INPP5A: variants seen among roughly 807,000 people sequenced by gnomAD.
The protein encoded by INPP5A is inositol polyphosphate-5-phosphatase A.
In INPP5A, 14 loss-of-function variants were observed where a neutral mutation model predicts 65.2. That is an observed-to-expected ratio of 0.21 (90% confidence interval 0.14 to 0.34). INPP5A has a LOEUF of 0.34. Ranked by LOEUF, INPP5A falls within the 10% of genes least tolerant of loss-of-function variation. INPP5A has a pLI of 1.00. For missense variants in INPP5A, 431 were observed against 545.6 expected (o/e 0.79, Z 2.09); for synonymous variants, 207 against 208.3 (o/e 0.99, Z 0.05).
intron 13 of INPP5A, among the ~76,000 whole-genome samples, chr10:132,780,370 G>A (rs923889458): frequency 6.6e-6 from 1 of 152,250 alleles, no homozygotes; most frequent in African/African-American, 2.4e-5. Flanking sequence ...TGAACACTGA[G>A]TTCTAGGTTA....
intron 10 of INPP5A, 55 bp downstream of exon 10, chr10:132,749,667 C>T: frequency 1.3e-6 from 2 of 1,594,332 alleles, no homozygotes; most frequent in South Asian, 2.2e-5. Context: ...CAGGACTCTG[C>T]AGCTTCCTTC....
intron 2 of INPP5A, among the ~76,000 whole-genome samples, chr10:132,636,290 G>A (rs992203112): frequency 6.6e-6 from 1 of 152,022 alleles, no homozygotes; most frequent in Admixed American, 6.5e-5. Flanking sequence ...TACTTCTTCC[G>A]TGAAACAGCT....
At chr10:132,554,571 C>T (rs117099174) in intron 1 of INPP5A, among the ~76,000 whole-genome samples, 2,301 of 151,438 alleles carry the variant, frequency 0.015, 32 homozygotes, top group South Asian at 0.039. Context: ...TTGTGGTTGG[C>T]GTGGTTGGTG....
chr10:132,700,391 G>A (rs1168671429), intron 6 of INPP5A, among the ~76,000 whole-genome samples: 3 of 152,218 alleles, frequency 2.0e-5, no homozygotes, highest in African/African-American at 4.8e-5. Flanking sequence ...GCCCTGCCAC[G>A]TCATCGTCTT....
Position 132,765,891 on chromosome 10 carries a change from G to C in INPP5A, c.977+45G>C, listed in dbSNP as rs758058060. 2.0e-5 allele frequency: 23 copies of C among 1,156,022 alleles called. No homozygotes were observed. The East Asian group carries it at 5.4e-4, about 27-fold the overall frequency. 71.6% of individuals were successfully genotyped at this position (1,156,022 alleles called of 1,614,324 possible). On this transcript the variant is annotated intron_variant, in intron 12 of 15. Transcript: ENST00000368594. ...CTGGATGAACCCGGCCGGGAAGGTGGCGTCTCCACCCTCCCAGTCTCTGGT... is the reference window on the plus strand; with the variant it reads ...CTGGATGAACCCGGCCGGGAAGGTGCCGTCTCCACCCTCCCAGTCTCTGGT...
chr10:132,653,332 C>T (rs1453243994), intron 4 of INPP5A, among the ~76,000 whole-genome samples: 1 of 152,218 alleles, frequency 6.6e-6, no homozygotes, highest in Non-Finnish European at 1.5e-5. Flanking sequence ...CGGCTGCCTC[C>T]ACACCTGGCT....
intron 12 of INPP5A, among the ~76,000 whole-genome samples, chr10:132,767,108 C>T (rs1846861286): frequency 4.3e-5 from 5 of 114,954 alleles, no homozygotes; most frequent in African/African-American, 1.1e-4. Flanking sequence ...AGGATGCGGC[C>T]TCGGAGCTTG....
At chr10:132,567,119 A>C (rs1282532311) in intron 1 of INPP5A, among the ~76,000 whole-genome samples, 1 of 152,186 alleles carries the variant, frequency 6.6e-6, no homozygotes, top group Non-Finnish European at 1.5e-5. Flanking sequence ...GTGGGCAAGC[A>C]GCTCAGTGAT....
chr10:132,762,192 A>G lies in INPP5A; in HGVS notation c.904-3581A>G, dbSNP rs974893482. Among the ~76,000 whole-genome samples, 2 of 152,208 alleles carry G rather than the reference A, an allele frequency of 1.3e-5. No individual in the cohort carries two copies. Among genetic ancestry groups the G allele is most frequent in the Non-Finnish European group, 2.9e-5 (2 of 68,038 alleles). Reference sequence around the variant, plus strand: ...TGCGCAGTGAGGGTCCACGAGGGGCACACTGGAGAGTCAATGGCTGGGCGT... The same window carrying G: ...TGCGCAGTGAGGGTCCACGAGGGGCGCACTGGAGAGTCAATGGCTGGGCGT... On this transcript the variant is annotated intron_variant, in intron 11 of 15. Coordinates refer to ENST00000368594, the MANE Select transcript of INPP5A (RefSeq NM_005539.5). The surrounding 1 kb of genome is among the most constrained non-coding windows in gnomAD (Gnocchi z 4.6).
chr10:132,599,389 T>C (rs2071748434), intron 1 of INPP5A, among the ~76,000 whole-genome samples: 1 of 152,196 alleles, frequency 6.6e-6, no homozygotes, highest in Non-Finnish European at 1.5e-5. Flanking sequence ...TCCAAAATGA[T>C]CTCCTTTGAC....
At chr10:132,737,410 T>TC (rs1399932564) in intron 9 of INPP5A, among the ~76,000 whole-genome samples, 1 of 147,824 alleles carries the variant, frequency 6.8e-6, no homozygotes, top group African/African-American at 2.7e-5. Context: ...AGCCCCGTCC[T>TC]CTGCTGCCGT....
intron 9 of INPP5A, among the ~76,000 whole-genome samples, chr10:132,748,914 G>A (rs928017801): frequency 2.0e-5 from 3 of 152,238 alleles, no homozygotes; most frequent in Non-Finnish European, 4.4e-5. Context: ...AGCCTGAGTT[G>A]TTCTTGGGTC....
chr10:132,596,953 A>ACACATGTGTGCGTGTGTGCG (rs2071707370), intron 1 of INPP5A, among the ~76,000 whole-genome samples: 15 of 118,274 alleles, frequency 1.3e-4, no homozygotes, highest in Admixed American at 1.1e-3. Flanking sequence ...GCGTGTGTGC[A>ACACATGTGTGCGTGTGTGCG]CACATGTGTG....
rs536635660 is a variant in INPP5A at position 132,726,304 on chromosome 10, G to T, written c.648-517G>T. ...GGTCTGAGGGGACATCCCTGTCTGG[G>T]AGGAGAGAGCGGGGGCTCCGGTTCC... is the stretch of plus-strand genomic sequence containing the variant. On this transcript the variant is annotated intron_variant, in intron 8 of 15. Coordinates refer to ENST00000368594, the MANE Select transcript of INPP5A (RefSeq NM_005539.5). 1.4e-4 allele frequency among the ~76,000 whole-genome samples: 22 copies of T among 152,326 alleles called. 1 individual carries two copies. Among genetic ancestry groups the T allele is most frequent in the South Asian group, 6.2e-4 (3 of 4,816 alleles).
At chr10:132,770,298 G>A (rs575463463) in intron 12 of INPP5A, among the ~76,000 whole-genome samples, 53 of 152,350 alleles carry the variant, frequency 3.5e-4, no homozygotes, top group South Asian at 1.7e-3. Flanking sequence ...CCGCAGTGTC[G>A]CCGGCCATCG....
chr10:132,641,175 G>A (rs2072423123), intron 2 of INPP5A, among the ~76,000 whole-genome samples: 1 of 152,208 alleles, frequency 6.6e-6, no homozygotes, highest in Non-Finnish European at 1.5e-5. Flanking sequence ...TGTCCCCTGT[G>A]CTTTTCCAGA....
rs1321331947 is a variant in INPP5A, at chr10:132,653,735, T to G, written c.306+3230T>G. ...AGTCAAAGAGAATTACAAGGTATTT[T>G]AAATTATGTGAAAAGCTAGAACCTT... On this transcript the variant is annotated intron_variant, in intron 4 of 15. Transcript: ENST00000368594. 3.9e-5 allele frequency among the ~76,000 whole-genome samples: 6 copies of G among 152,252 alleles called. No homozygotes were observed. In the East Asian group the frequency reaches 1.2e-3, roughly 29 times the overall value.
At chr10:132,640,115 G>A (rs1184933931) in intron 2 of INPP5A, among the ~76,000 whole-genome samples, 1 of 152,146 alleles carries the variant, frequency 6.6e-6, no homozygotes, top group African/African-American at 2.4e-5. Flanking sequence ...TTCAGATTCC[G>A]ATAACTCAGG....
chr10:132,584,246 T>A (rs1405187978), intron 1 of INPP5A, among the ~76,000 whole-genome samples: 1 of 152,246 alleles, frequency 6.6e-6, no homozygotes, highest in African/African-American at 2.4e-5. Context: ...ACCAACCATT[T>A]GGAAAACACT....
Sources: allele counts gnomAD v4.1 joint callset (sites outside exome capture counted in the v4.1 genomes callset), GRCh38; gene constraint gnomAD v4.1.1; non-coding constraint Gnocchi (gnomAD v3.1); transcripts MANE v1.5; gene names NCBI Gene and HGNC (gene_info 2026-07-23, HGNC 2026-07-21).